The following PLEKHG5 variants were observed in gnomAD, a reference collection of about 807,000 sequenced individuals.
PLEKHG5 encodes pleckstrin homology domain-containing family G member 5.
PLEKHG5 carries 52 observed loss-of-function variants against 103.8 expected under a neutral mutation model. The ratio of observed to expected loss-of-function variants is 0.50; its 90% CI spans 0.40 to 0.63. The LOEUF is 0.63. Among genes scored for constraint, PLEKHG5 ranks in the 30% least tolerant of loss-of-function variants. PLEKHG5 has a pLI of 0.00. For missense variants in PLEKHG5, 1,205 were observed against 1,347.6 expected (o/e 0.89, Z 1.66); for synonymous variants, 592 against 575.5 (o/e 1.03, Z -0.41).
chr1:6,496,399 G>T, upstream of PLEKHG5: 1 of 994,516 alleles, frequency 1.0e-6, no homozygotes, highest in South Asian at 1.4e-5. Flanking sequence ...GCCCGTGCCA[G>T]GGCTCTGTGG....
rs1303254775 is a variant in PLEKHG5, at chr1:6,473,876, C to G, written c.591+137G>C. The G allele has an allele frequency of 1.0e-5, 9 of 880,028 alleles. No homozygotes were observed. The African/African-American group carries it at 1.4e-4, about 13-fold the overall frequency. 54.5% of individuals were successfully genotyped at this position (880,028 alleles called of 1,614,324 possible). A position where few individuals can be genotyped will look rare whatever the true frequency, so the allele number is the denominator to read the frequency against. ...AGGGTCCCCTACTCTCCCAGCCAAC[C>G]CCATTTTCCAGAAGGGACAATTAAA... On this transcript the variant is annotated intron_variant, in intron 7 of 20. Coordinates refer to ENST00000377728, the MANE Select transcript of PLEKHG5 (RefSeq NM_020631.6).
At chr1:6,501,542 C>T (rs962813101), upstream of PLEKHG5, among the ~76,000 whole-genome samples, 1 of 152,218 alleles carries the variant, frequency 6.6e-6, no homozygotes, top group Non-Finnish European at 1.5e-5. This position sits in a 1 kb window ranked among gnomAD's most constrained non-coding sequence, Gnocchi z 4.3. Context: ...TGCCAACCAC[C>T]TGCTGGGAAC....
intron 19 of PLEKHG5, 77 bp from the exon 20 acceptor site, chr1:6,468,663 C>A: frequency 6.6e-7 from 1 of 1,516,384 alleles, no homozygotes; most frequent in Non-Finnish European, 9.1e-7. Flanking sequence ...GGGCAATGCA[C>A]GGTGGTTTAT....
upstream of PLEKHG5, chr1:6,496,887 A>C (rs1645233171): frequency 1.5e-6 from 2 of 1,337,546 alleles, no homozygotes; most frequent in South Asian, 3.1e-5. Flanking sequence ...GGGGCCCCAG[A>C]CTTCCCAGGG....
chr1:6,469,801 T>G (rs1280447973), intron 16 of PLEKHG5, 125 bp from the exon 17 acceptor site: 11 of 805,968 alleles, frequency 1.4e-5, no homozygotes, highest in Non-Finnish European at 2.0e-5. Flanking sequence ...AACCTTCAAG[T>G]AAAATTAAAA....
At position 6,474,163 on chromosome 1, in the gene PLEKHG5, G is replaced by A. The variant is rs1387784761; in HGVS notation, c.441C>T (p.Ala147=). The change falls in exon 7 of 21, where the codon GCC becomes GCT. Residue 147 remains alanine, a splice_region_variant and synonymous_variant. Transcript: ENST00000377728. ...RFGGHYLRVK[A]PAKPGDEGKV... Reference sequence around the variant, plus strand: ...TGCCCTCATCTCCAGGCTTGGCTGGGGCTGCATGTGGGGGCCACGAGAGAT... The same window carrying A: ...TGCCCTCATCTCCAGGCTTGGCTGGAGCTGCATGTGGGGGCCACGAGAGAT... 1 of 1,613,328 alleles carries A rather than the reference G, an allele frequency of 6.2e-7. No homozygotes were observed. The highest frequency in any genetic ancestry group is 1.3e-5 in the African/African-American group (1 of 75,052).
intron 1 of PLEKHG5, among the ~76,000 whole-genome samples, chr1:6,484,572 C>T (rs922510151): frequency 1.3e-5 from 2 of 152,182 alleles, no homozygotes; most frequent in African/African-American, 2.4e-5. Flanking sequence ...TTCTGCCTCA[C>T]GTCCCACCCC....
At chr1:6,472,938 GTCC>G in intron 9 of PLEKHG5, 45 bp downstream of exon 9, 4 of 1,569,374 alleles carry the variant, frequency 2.5e-6, no homozygotes, top group South Asian at 2.2e-5. Flanking sequence ...CCCGAGGGCT[GTCC>G]TCCTTTCGGG....
At chr1:6,472,741 G>C (rs1207353995) in intron 9 of PLEKHG5, 119 bp from the exon 10 acceptor site, 2 of 804,962 alleles carry the variant, frequency 2.5e-6, no homozygotes, top group East Asian at 5.3e-5. Context: ...GGTCCCAAGA[G>C]GAGCAGGGTC....
intron 1 of PLEKHG5, among the ~76,000 whole-genome samples, chr1:6,502,223 C>T (rs942887013): frequency 1.3e-5 from 2 of 152,262 alleles, no homozygotes; most frequent in African/African-American, 4.8e-5. Flanking sequence ...ACTCCCTATG[C>T]AGGACACTGG....
rs558587999 is a variant in PLEKHG5, at chr1:6,486,271, C to T, written c.-88+5366G>A. Among the ~76,000 whole-genome samples the T allele has an allele frequency of 1.3e-5, 2 of 152,222 alleles. No homozygotes were observed. The highest frequency in any genetic ancestry group is 1.9e-4 in the East Asian group (1 of 5,166). On this transcript the variant is annotated intron_variant, in intron 1 of 20. Transcript: ENST00000377728. The surrounding 1 kb of genome is among the most constrained non-coding windows in gnomAD (Gnocchi z 5.3). ...CACACTCCCCTCAGGGTCCTTGGTCCGGCTCTCCATCTAGCCCCAGGGACA... is the reference window on the plus strand; with the variant it reads ...CACACTCCCCTCAGGGTCCTTGGTCTGGCTCTCCATCTAGCCCCAGGGACA...
upstream of PLEKHG5, chr1:6,497,350 G>A (rs1462902609): frequency 4.8e-6 from 5 of 1,046,596 alleles, no homozygotes; most frequent in East Asian, 3.8e-5. The surrounding 1 kb of genome is among the most constrained non-coding windows in gnomAD (Gnocchi z 6.1). Context: ...CGCGCGGGGG[G>A]CGGGCGGCGG....
exon 1 of PLEKHG5, chr1:6,519,490 G>C: frequency 6.2e-7 from 1 of 1,613,974 alleles, no homozygotes; most frequent in Non-Finnish European, 8.5e-7. Flanking sequence ...GGAGACCCAT[G>C]TTTTGTCAGG....
rs759077064 is a variant in PLEKHG5 at position 6,468,305 on chromosome 1, G to A, written c.2531C>T (p.Pro844Leu). 6.2e-7 allele frequency: 1 copy of A among 1,609,616 alleles called. No individual in the cohort carries two copies. Among genetic ancestry groups the A allele is most frequent in the South Asian group, 1.1e-5 (1 of 90,534 alleles). The change falls in exon 20 of 21, where the codon CCA becomes CTA. Residue 844 changes from proline (P) to leucine (L), a missense_variant. Physicochemically the swap from Pro to Leu is moderately conservative, Grantham distance 98 (BLOSUM62 -3). Transcript: ENST00000377728. ...AGGGGAAGGAACTCGTGGGGACTCT[G>A]GGGCCCGAGGCACTAGCTCTGCCAT... ...GPMAELVPRA[P>L]ESPRVPSPPP... is the part of the protein sequence containing the mutation.
At chr1:6,496,581 G>A (rs1468437096), upstream of PLEKHG5, 9 of 1,542,226 alleles carry the variant, frequency 5.8e-6, no homozygotes, top group East Asian at 4.8e-5. Flanking sequence ...TGCAGGGGAG[G>A]AGCAGAGGGC....
In PLEKHG5 at chr1:6,470,271, C is replaced by T; in HGVS notation, c.1765G>A (p.Gly589Arg). The change falls in exon 16 of 21, where the codon GGG becomes AGG. Residue 589 changes from glycine (G) to arginine (R), a missense_variant. By Grantham distance (125) the Gly-to-Arg change is moderately radical. Coordinates refer to ENST00000377728, the MANE Select transcript of PLEKHG5 (RefSeq NM_020631.6). ...TTCCCCTCCTTCATCCTCAGGCTCC[C>T]CTCCAGCAGCAGCTGCCGCGTCTCC... Reference protein sequence around the residue: ...PEETRQLLLEGSLRMKEGKDS... With the variant: ...PEETRQLLLERSLRMKEGKDS... 1 of 1,614,024 alleles carries T rather than the reference C, an allele frequency of 6.2e-7. No homozygotes were observed. The highest frequency in any genetic ancestry group is 8.5e-7 in the Non-Finnish European group (1 of 1,179,996).
intron 1 of PLEKHG5, among the ~76,000 whole-genome samples, chr1:6,516,875 TATATATATATACAC>T (rs1203376281): frequency 0.05 from 1,122 of 22,330 alleles, 9 homozygotes; most frequent in East Asian, 0.11. Context: ...TGTATATATA[TATATATATATACAC>T]ATATATATAT....
chr1:6,489,172 C>T (rs1369674967), intron 1 of PLEKHG5, among the ~76,000 whole-genome samples: 1 of 152,190 alleles, frequency 6.6e-6, no homozygotes, highest in Non-Finnish European at 1.5e-5. Flanking sequence ...CCCCTGGGAG[C>T]CTGCTAGTCC....
chr1:6,472,931 G>C, intron 9 of PLEKHG5, 55 bp downstream of exon 9: 1 of 1,548,722 alleles, frequency 6.5e-7, no homozygotes, highest in South Asian at 1.1e-5. Context: ...GGGTCCTCCC[G>C]AGGGCTGTCC....
Sources: allele counts gnomAD v4.1 joint callset (sites outside exome capture counted in the v4.1 genomes callset), GRCh38; gene constraint gnomAD v4.1.1; non-coding constraint Gnocchi (gnomAD v3.1); transcripts MANE v1.5; gene names NCBI Gene and HGNC (gene_info 2026-07-23, HGNC 2026-07-21).